Variants in PPM1L observed in about 807,000 individuals in gnomAD.
PPM1L encodes the protein protein phosphatase 1L.
PPM1L carries 13 observed loss-of-function variants against 31.4 expected under a neutral mutation model. The ratio of observed to expected loss-of-function variants is 0.41; its 90% CI spans 0.27 to 0.66. The LOEUF is 0.66. Among genes scored for constraint, PPM1L ranks in the 30% least tolerant of loss-of-function variants. The pLI, the probability that PPM1L is intolerant of heterozygous loss-of-function variation, is 0.29. For synonymous variants in PPM1L, 184 were observed against 175.4 expected (o/e 1.05, Z -0.39); for missense variants, 326 against 453.7 (o/e 0.72, Z 2.56).
At chr3:160,985,668 G>A (rs1576763048) in intron 2 of PPM1L, among the ~76,000 whole-genome samples, 1 of 152,038 alleles carries the variant, frequency 6.6e-6, no homozygotes, top group South Asian at 2.1e-4. Context: ...TTGAGCATTG[G>A]TGATTTGTTT....
chr3:160,866,023 A>G (rs1712073450), intron 1 of PPM1L, among the ~76,000 whole-genome samples: 1 of 152,204 alleles, frequency 6.6e-6, no homozygotes, highest in Admixed American at 6.5e-5. Flanking sequence ...TCTGTCAAAG[A>G]TCAAATAACC....
chr3:160,955,925 A>G (rs1188071561), intron 1 of PPM1L, among the ~76,000 whole-genome samples: 10 of 152,144 alleles, frequency 6.6e-5, no homozygotes, highest in Admixed American at 6.5e-4. Flanking sequence ...AAGTGCTGGG[A>G]TTACAGGCGT....
chr3:161,046,159 T>C (rs1486164647), intron 2 of PPM1L, among the ~76,000 whole-genome samples: 1 of 147,922 alleles, frequency 6.8e-6, no homozygotes, highest in Non-Finnish European at 1.5e-5. Context: ...AGCTGGTTTT[T>C]TGAAAAGATC....
intron 2 of PPM1L, among the ~76,000 whole-genome samples, chr3:161,014,796 G>A (rs748626968): frequency 6.6e-6 from 1 of 152,140 alleles, no homozygotes; most frequent in Non-Finnish European, 1.5e-5. Context: ...GTAGAAACTA[G>A]TATAAGCACT....
chr3:160,899,574 G>T (rs1422667983), intron 1 of PPM1L, among the ~76,000 whole-genome samples: 5 of 113,754 alleles, frequency 4.4e-5, no homozygotes, highest in Admixed American at 4.0e-4. Flanking sequence ...CTTAGGTTTG[G>T]ATGTATAGTG....
chr3:161,031,502 C>CTTT lies in PPM1L; in HGVS notation c.575-33887_575-33885dup, dbSNP rs760907219. 1.6e-4 allele frequency among the ~76,000 whole-genome samples: 16 copies of CTTT among 101,670 alleles called. 1 individual carries two copies. Among genetic ancestry groups the CTTT allele is most frequent in the Non-Finnish European group, 2.3e-4 (13 of 55,412 alleles). The allele number at this position is 101,670 out of a possible 152,430, so 66.7% of individuals were successfully genotyped here. ...GTGAATGGCAGCTATGTATTCTGTC[C>CTTT]TTTTTTTTTTTTTTTTGAGAGAGAG... On this transcript the variant is annotated intron_variant, in intron 2 of 3. Transcript: ENST00000498165.
Position 160,961,824 on chromosome 3 carries a change from T to C in PPM1L, c.488T>C (p.Leu163Ser). ...DYEKDKENSV[L>S]SYQTILEQQI... ...GAGAAAGACAAAGAAAATAGTGTAT[T>C]ATCTTACCAGACCATCCTTGAACAG... Residue 163 changes from leucine (L) to serine (S), a missense_variant, in exon 2 of 4, where the codon TTA becomes TCA. Transcript: ENST00000498165. The C allele has an allele frequency of 1.2e-6, 2 of 1,602,914 alleles. No homozygotes were observed. Among genetic ancestry groups the C allele is most frequent in the Non-Finnish European group, 1.7e-6 (2 of 1,175,206 alleles).
chr3:160,880,728 G>T (rs1406604902), intron 1 of PPM1L, among the ~76,000 whole-genome samples: 1 of 151,612 alleles, frequency 6.6e-6, no homozygotes, highest in African/African-American at 2.4e-5. Flanking sequence ...TCTGTCCTTT[G>T]CTGAAACCAG....
At chr3:160,766,928 C>T (rs1715116117) in intron 1 of PPM1L, among the ~76,000 whole-genome samples, 1 of 150,262 alleles carries the variant, frequency 6.7e-6, no homozygotes, top group Admixed American at 6.6e-5. Flanking sequence ...TGCCACTGGG[C>T]GTGAGGCTCC....
rs1345764571 is a variant in PPM1L at position 161,077,088 on chromosome 3, T to A, written c.*7931T>A. ...TCTTGGGGCTTACACCCTATTGGGG[T>A]GTCAGAGATATTATAACACTCAATA... On this transcript the variant is annotated 3_prime_UTR_variant, in exon 4 of 4. Coordinates refer to ENST00000498165, the MANE Select transcript of PPM1L (RefSeq NM_139245.4). 1 of 152,122 alleles carries A rather than the reference T, an allele frequency of 6.6e-6. No homozygotes were observed. Among genetic ancestry groups the A allele is most frequent in the Non-Finnish European group, 1.5e-5 (1 of 68,038 alleles). 9.4% of individuals were successfully genotyped at this position (152,122 alleles called of 1,614,324 possible). A position where few individuals can be genotyped will look rare whatever the true frequency, so the allele number is the denominator to read the frequency against.
intron 1 of PPM1L, among the ~76,000 whole-genome samples, chr3:160,805,421 CATT>C (rs1190902789): frequency 6.6e-6 from 1 of 152,174 alleles, no homozygotes; most frequent in East Asian, 1.9e-4. Flanking sequence ...TTCAACTTTA[CATT>C]TAAAAATGTA....
At chr3:160,778,739 C>T (rs1380894863) in intron 1 of PPM1L, among the ~76,000 whole-genome samples, 2 of 152,020 alleles carry the variant, frequency 1.3e-5, no homozygotes, top group African/African-American at 4.8e-5. Flanking sequence ...GAAAGTTGTC[C>T]AATGTGTAGA....
At chr3:161,012,231 C>T (rs887074913) in intron 2 of PPM1L, among the ~76,000 whole-genome samples, 9 of 152,156 alleles carry the variant, frequency 5.9e-5, no homozygotes, top group Admixed American at 1.3e-4. Flanking sequence ...GCATGAAGGG[C>T]TGTTGAATTT....
At chr3:160,955,744 G>A (rs1006859007) in intron 1 of PPM1L, among the ~76,000 whole-genome samples, 7 of 150,116 alleles carry the variant, frequency 4.7e-5, no homozygotes, top group South Asian at 2.1e-4. Flanking sequence ...TCCGCCTCCT[G>A]GGTTCACGCC....
chr3:160,972,678 A>T (rs1253896193), intron 2 of PPM1L, among the ~76,000 whole-genome samples: 1 of 152,156 alleles, frequency 6.6e-6, no homozygotes, highest in Non-Finnish European at 1.5e-5. Context: ...ATGTGTCTTT[A>T]TAGCAGCATG....
intron 1 of PPM1L, among the ~76,000 whole-genome samples, chr3:160,948,219 A>G (rs1451225401): frequency 1.3e-5 from 2 of 152,168 alleles, no homozygotes; most frequent in African/African-American, 4.8e-5. Flanking sequence ...CATGAACTGT[A>G]TGCCCATCCA....
At chr3:160,910,712 G>A (rs1171505175) in intron 1 of PPM1L, among the ~76,000 whole-genome samples, 1 of 152,010 alleles carries the variant, frequency 6.6e-6, no homozygotes, top group East Asian at 1.9e-4. Flanking sequence ...TTATTTTTGT[G>A]TATATGTCTT....
intron 1 of PPM1L, among the ~76,000 whole-genome samples, chr3:160,757,672 C>A (rs566539348): frequency 1.6e-4 from 24 of 152,376 alleles, no homozygotes; most frequent in African/African-American, 4.3e-4. Context: ...GGGCCAATCA[C>A]CCCATCTCTC....
At chr3:160,883,713 GT>G (rs1042699843) in intron 1 of PPM1L, among the ~76,000 whole-genome samples, 6 of 151,818 alleles carry the variant, frequency 4.0e-5, no homozygotes, top group Non-Finnish European at 7.4e-5. Context: ...AAGAGACTGG[GT>G]TTGGGGGCCT....
Sources: allele counts gnomAD v4.1 joint callset (sites outside exome capture counted in the v4.1 genomes callset), GRCh38; gene constraint gnomAD v4.1.1; transcripts MANE v1.5; gene names NCBI Gene and HGNC (gene_info 2026-07-23, HGNC 2026-07-21).